Variants in RALYL observed in about 807,000 individuals in gnomAD.
RALYL encodes the protein RNA-binding Raly-like protein.
A neutral mutation model predicts 35.1 loss-of-function variants in RALYL; 29 were observed. The observed-to-expected ratio is 0.83, with a 90% confidence interval of 0.61 to 1.13. RALYL has a LOEUF of 1.13. Ranked by LOEUF, RALYL falls within the 50% of genes most tolerant of loss-of-function variation. The probability of loss-of-function intolerance (pLI) is 0.00; values close to 1 mark genes in which losing one functional copy is unlikely to be tolerated. For missense variants in RALYL, 359 were observed against 360.4 expected (o/e 1.00, Z 0.03); for synonymous variants, 120 against 127.6 (o/e 0.94, Z 0.40).
intron 1 of RALYL, among the ~76,000 whole-genome samples, chr8:84,398,986 AAAAAAAG>A (rs1424108150): frequency 1.3e-5 from 2 of 151,550 alleles, no homozygotes; most frequent in African/African-American, 4.9e-5. Context: ...AAAAAAAAAA[AAAAAAAG>A]AACTATGCAA....
At chr8:84,217,547 T>C (rs1048484450) in intron 1 of RALYL, among the ~76,000 whole-genome samples, 3 of 152,070 alleles carry the variant, frequency 2.0e-5, no homozygotes, top group Admixed American at 6.6e-5. Context: ...TTAGACACTA[T>C]AGTGTTACAC....
chr8:84,765,028 C>A (rs932748625), intron 2 of RALYL, among the ~76,000 whole-genome samples: 2 of 152,050 alleles, frequency 1.3e-5, no homozygotes, highest in Non-Finnish European at 2.9e-5. Flanking sequence ...GTTTTGTTTC[C>A]TCAGAGTAAA....
intron 8 of RALYL, among the ~76,000 whole-genome samples, chr8:84,899,423 TAAAG>T (rs1467832923): frequency 1.3e-5 from 2 of 152,266 alleles, no homozygotes; most frequent in South Asian, 2.1e-4. Context: ...AAATATCTGT[TAAAG>T]AAAGAGAGAG....
chr8:84,453,470 C>T (rs914866824), intron 1 of RALYL, among the ~76,000 whole-genome samples: 1 of 151,948 alleles, frequency 6.6e-6, no homozygotes, highest in East Asian at 1.9e-4. Context: ...ATCAAGAACA[C>T]ATTTTAGTAT....
chr8:84,507,579 C>T (rs995277159), intron 1 of RALYL, among the ~76,000 whole-genome samples: 2 of 152,126 alleles, frequency 1.3e-5, no homozygotes, highest in South Asian at 4.1e-4. Context: ...TGTCAAGTCT[C>T]ATTAAGCACG....
intron 1 of RALYL, among the ~76,000 whole-genome samples, chr8:84,219,846 A>G (rs1821753291): frequency 6.6e-6 from 1 of 151,004 alleles, no homozygotes; most frequent in African/African-American, 2.4e-5. Flanking sequence ...TTAAAAGGTA[A>G]TGATAACAGA....
chr8:84,735,874 G>T (rs935854513), intron 2 of RALYL, among the ~76,000 whole-genome samples: 10 of 150,276 alleles, frequency 6.7e-5, no homozygotes, highest in Non-Finnish European at 1.5e-4. Flanking sequence ...GTCCAGAGAT[G>T]TCATTCAGGA....
At chr8:84,642,276 C>T (rs1490436028) in intron 2 of RALYL, among the ~76,000 whole-genome samples, 2 of 151,972 alleles carry the variant, frequency 1.3e-5, no homozygotes, top group African/African-American at 4.8e-5. Context: ...CATAGCTAAA[C>T]TTTGTTTGCC....
At chr8:84,409,358 A>G (rs1276545364) in intron 1 of RALYL, among the ~76,000 whole-genome samples, 5 of 152,080 alleles carry the variant, frequency 3.3e-5, no homozygotes, top group African/African-American at 1.2e-4. Flanking sequence ...TGCAATGTGT[A>G]TAATTAATTA....
chr8:84,870,013 T>G (rs941500753), intron 6 of RALYL, among the ~76,000 whole-genome samples: 10 of 152,188 alleles, frequency 6.6e-5, no homozygotes, highest in African/African-American at 2.4e-4. Context: ...GTGACTTATT[T>G]TTAAAAACAA....
At chr8:84,822,239 A>T (rs905196552) in intron 4 of RALYL, among the ~76,000 whole-genome samples, 1 of 152,170 alleles carries the variant, frequency 6.6e-6, no homozygotes, top group South Asian at 2.1e-4. Context: ...TATTTTAAAG[A>T]TGTGTTCTGT....
intron 1 of RALYL, among the ~76,000 whole-genome samples, chr8:84,197,088 T>C (rs1815494782): frequency 6.6e-6 from 1 of 152,160 alleles, no homozygotes; most frequent in Non-Finnish European, 1.5e-5. Flanking sequence ...AGAGAATCAC[T>C]CATTATTTTA....
intron 2 of RALYL, among the ~76,000 whole-genome samples, chr8:84,673,947 G>T (rs1003576084): frequency 1.3e-5 from 2 of 152,114 alleles, no homozygotes; most frequent in African/African-American, 4.8e-5. Context: ...GAACAGCATT[G>T]AATCTACAAA....
At chr8:84,808,754 T>G (rs969223441) in intron 4 of RALYL, among the ~76,000 whole-genome samples, 3 of 152,048 alleles carry the variant, frequency 2.0e-5, no homozygotes, top group Non-Finnish European at 4.4e-5. Context: ...GTATTTTAAA[T>G]TTTTTTGCAG....
chr8:84,620,346 A>G (rs1428142753), intron 2 of RALYL, among the ~76,000 whole-genome samples: 3 of 151,848 alleles, frequency 2.0e-5, no homozygotes, highest in African/African-American at 7.3e-5. Flanking sequence ...CATTCATTTC[A>G]TCTTCCATTG....
At chr8:84,384,333 G>A (rs896824447) in intron 1 of RALYL, among the ~76,000 whole-genome samples, 3 of 151,588 alleles carry the variant, frequency 2.0e-5, no homozygotes, top group Non-Finnish European at 4.4e-5. Context: ...TGATTATACT[G>A]TCTCCTCCAT....
At chr8:84,521,862 A>C (rs2058486637) in intron 1 of RALYL, among the ~76,000 whole-genome samples, 1 of 152,118 alleles carries the variant, frequency 6.6e-6, no homozygotes, top group African/African-American at 2.4e-5. Flanking sequence ...CAATTACTTA[A>C]TCTCAATCTC....
At chr8:84,449,612 C>G (rs1038962867) in intron 1 of RALYL, among the ~76,000 whole-genome samples, 7 of 151,936 alleles carry the variant, frequency 4.6e-5, no homozygotes, top group African/African-American at 1.7e-4. Context: ...ATCAGAATTT[C>G]TAAACTTCAG....
intron 1 of RALYL, among the ~76,000 whole-genome samples, chr8:84,321,007 TA>T (rs1211790759): frequency 2.6e-5 from 4 of 152,130 alleles, no homozygotes; most frequent in African/African-American, 9.7e-5. Context: ...GCAAAATATC[TA>T]AATTTTCTAG....
Sources: allele counts gnomAD v4.1 joint callset (sites outside exome capture counted in the v4.1 genomes callset), GRCh38; gene constraint gnomAD v4.1.1; transcripts MANE v1.5; gene names NCBI Gene and HGNC (gene_info 2026-07-23, HGNC 2026-07-21).